The following SACM1L variants were observed in gnomAD, a reference collection of about 807,000 sequenced individuals.
SACM1L encodes the protein SAC1 like phosphatidylinositide phosphatase.
SACM1L carries 32 observed loss-of-function variants against 89.5 expected under a neutral mutation model. That is an observed-to-expected ratio of 0.36 (90% CI 0.27 to 0.48). SACM1L has a LOEUF of 0.48. Among genes scored for constraint, SACM1L ranks in the 20% least tolerant of loss-of-function variants. The pLI is 0.99. For synonymous variants in SACM1L, 213 were observed against 232.8 expected (o/e 0.92, Z 0.77); for missense variants, 543 against 708.5 (o/e 0.77, Z 2.65).
chr3:45,744,440 T>A lies in SACM1L; in HGVS notation c.*771T>A, dbSNP rs1292437041. ...CTCTGTTTTAAAGATTATCCCAATG[T>A]GGAAGATGCCCATGACTGGTCAGCT... On this transcript the variant is annotated 3_prime_UTR_variant, in exon 20 of 20. Coordinates refer to ENST00000389061, the MANE Select transcript of SACM1L (RefSeq NM_014016.5). 6.5e-6 allele frequency: 1 copy of A among 152,680 alleles called. No homozygotes were observed. Among genetic ancestry groups the A allele is most frequent in the Non-Finnish European group, 1.5e-5 (1 of 68,050 alleles). 9.5% of individuals were successfully genotyped at this position (152,680 alleles called of 1,614,324 possible). A position where few individuals can be genotyped will look rare whatever the true frequency, so the allele number is the denominator to read the frequency against.
chr3:45,735,100 C>T, intron 13 of SACM1L, 135 bp from the exon 14 acceptor site: 1 of 841,752 alleles, frequency 1.2e-6, no homozygotes, highest in Non-Finnish European at 1.8e-6. Flanking sequence ...ATATGCCTGA[C>T]CACACATTCC....
rs370440133 is a variant in SACM1L at position 45,735,159 on chromosome 3, C to T, written c.1101-76C>T. On this transcript the variant is annotated intron_variant, in intron 13 of 19. Coordinates refer to ENST00000389061, the MANE Select transcript of SACM1L (RefSeq NM_014016.5). The stretch of plus-strand genomic sequence containing the variant: ...TTTTAATAATGTCACTGAAATGAGA[C>T]CCATGTTATAAGAGTTAAGTCCTTA... 1.5e-5 allele frequency: 19 copies of T among 1,307,752 alleles called. 1 individual carries two copies. The African/African-American group carries it at 1.6e-4, about 11-fold the overall frequency. 81.0% of individuals were successfully genotyped at this position (1,307,752 alleles called of 1,614,324 possible).
At position 45,706,862 on chromosome 3, in the gene SACM1L, T is replaced by A. The variant is rs755202148; in HGVS notation, c.288T>A (p.Asp96Glu). Reference protein sequence around the residue: ...SHVVWKATDFDVLSYKKTMLH... With the variant: ...SHVVWKATDFEVLSYKKTMLH... The stretch of plus-strand genomic sequence containing the variant: ...TAGTCTGGAAAGCAACAGATTTTGA[T>A]GTCCTTTCTTATAAGAAGACAATGT... The change falls in exon 4 of 20, where the codon GAT becomes GAA. Residue 96 changes from aspartate (D) to glutamate (E), a missense_variant. Asp to Glu is a conservative substitution (Grantham distance 45, BLOSUM62 2). Coordinates refer to ENST00000389061, the MANE Select transcript of SACM1L (RefSeq NM_014016.5). The A allele has an allele frequency of 6.2e-7, 1 of 1,613,366 alleles. No individual in the cohort carries two copies. The highest frequency in any genetic ancestry group is 8.5e-7 in the Non-Finnish European group (1 of 1,179,536).
intron 1 of SACM1L, among the ~76,000 whole-genome samples, chr3:45,696,066 C>T (rs1248150716): frequency 6.1e-5 from 9 of 148,262 alleles, no homozygotes; most frequent in African/African-American, 1.2e-4. Flanking sequence ...GGTGCGATCT[C>T]GGCCCACTGC....
chr3:45,722,796 C>A (rs1018432555), intron 9 of SACM1L, 73 bp from the exon 10 acceptor site: 2 of 1,090,374 alleles, frequency 1.8e-6, no homozygotes, highest in Non-Finnish European at 2.8e-6. Flanking sequence ...AATATATACA[C>A]CCCTGACAAT....
intron 2 of SACM1L, among the ~76,000 whole-genome samples, chr3:45,704,630 G>A (rs940685226): frequency 6.6e-6 from 1 of 152,098 alleles, no homozygotes; most frequent in East Asian, 1.9e-4. Context: ...TAATGTGGGT[G>A]TATTTTCAGT....
chr3:45,705,193 A>C lies in SACM1L; in HGVS notation c.189A>C (p.Thr63=), dbSNP rs143985480. 1.2e-4 allele frequency: 201 copies of C among 1,608,480 alleles called. No homozygotes were observed. In the African/African-American group the frequency reaches 2.1e-3, roughly 17 times the overall value. Residue 63 remains threonine, a synonymous_variant, in exon 3 of 20, where the codon ACA becomes ACC. Transcript: ENST00000389061. ...GACCAATATTTGGTATACTGGGCACAATCCATCTGGTGGCAGGTAAGAGAA... is the reference window on the plus strand; with the variant it reads ...GACCAATATTTGGTATACTGGGCACCATCCATCTGGTGGCAGGTAAGAGAA... The part of the protein sequence containing the change: ...VTRPIFGILG[T]IHLVAGNYLI...
At chr3:45,735,211 A>T (rs771973158) in intron 13 of SACM1L, 24 bp from the exon 14 acceptor site, 40 of 1,590,518 alleles carry the variant, frequency 2.5e-5, no homozygotes, top group Non-Finnish European at 3.4e-5. Context: ...TTGGTATGAG[A>T]GTGTTTATAC....
chr3:45,703,856 T>TG (rs1199468902), intron 2 of SACM1L, among the ~76,000 whole-genome samples: 1 of 152,200 alleles, frequency 6.6e-6, no homozygotes, highest in Admixed American at 6.5e-5. Flanking sequence ...TCTTTCTAGC[T>TG]GTAAGATTTA....
intron 3 of SACM1L, among the ~76,000 whole-genome samples, chr3:45,705,961 T>C (rs1167720252): frequency 1.3e-5 from 2 of 152,230 alleles, no homozygotes; most frequent in African/African-American, 4.8e-5. Flanking sequence ...TTGTTTGAAG[T>C]TCCTATTTTT....
intron 4 of SACM1L, among the ~76,000 whole-genome samples, chr3:45,708,065 ATAAC>A: frequency 6.6e-6 from 1 of 152,268 alleles, no homozygotes; most frequent in East Asian, 1.9e-4. Flanking sequence ...ACTAATATCT[ATAAC>A]TTACAATAGA....
At chr3:45,700,374 A>G (rs918715278) in intron 1 of SACM1L, among the ~76,000 whole-genome samples, 17 of 152,220 alleles carry the variant, frequency 1.1e-4, no homozygotes, top group Admixed American at 6.5e-4. Context: ...AATAAAGCCC[A>G]TGGACTTCAC....
intron 2 of SACM1L, among the ~76,000 whole-genome samples, chr3:45,704,118 CCTGA>C (rs1698333625): frequency 6.6e-6 from 1 of 151,886 alleles, no homozygotes; most frequent in African/African-American, 2.4e-5. Flanking sequence ...TGTGGAACAC[CCTGA>C]CTTTCCAAAT....
At chr3:45,692,274 A>T (rs1238872458) in intron 1 of SACM1L, among the ~76,000 whole-genome samples, 1 of 151,934 alleles carries the variant, frequency 6.6e-6, no homozygotes, top group East Asian at 1.9e-4. Context: ...GTAAAATGGG[A>T]ATGTTGATAC....
At chr3:45,716,177 C>T (rs1251745355) in intron 7 of SACM1L, among the ~76,000 whole-genome samples, 1 of 152,082 alleles carries the variant, frequency 6.6e-6, no homozygotes, top group Non-Finnish European at 1.5e-5. Context: ...GTGGCTTTTA[C>T]TTTAAATGTG....
At chr3:45,694,650 A>G (rs927563192) in intron 1 of SACM1L, among the ~76,000 whole-genome samples, 4 of 152,130 alleles carry the variant, frequency 2.6e-5, no homozygotes, top group Admixed American at 2.6e-4. Flanking sequence ...AGGGCCCCAC[A>G]TTAGGCCTAC....
In SACM1L at chr3:45,721,945, G is replaced by A. The variant is rs1451163650; in HGVS notation, c.680-55G>A. The A allele has an allele frequency of 8.4e-6, 10 of 1,190,296 alleles. No homozygotes were observed. In the South Asian group the frequency reaches 1.3e-4, roughly 15 times the overall value. 73.7% of individuals were successfully genotyped at this position (1,190,296 alleles called of 1,614,324 possible). On this transcript the variant is annotated intron_variant, in intron 8 of 19. Coordinates refer to ENST00000389061, the MANE Select transcript of SACM1L (RefSeq NM_014016.5). ...AGTTAACCTGAATTAGTGGGTTTCTGATGTGTTTCTTTGTGTAATCAGTAT... is the reference window on the plus strand; with the variant it reads ...AGTTAACCTGAATTAGTGGGTTTCTAATGTGTTTCTTTGTGTAATCAGTAT...
At chr3:45,733,070 T>C (rs1296983437) in intron 13 of SACM1L, among the ~76,000 whole-genome samples, 1 of 152,228 alleles carries the variant, frequency 6.6e-6, no homozygotes, top group East Asian at 1.9e-4. Flanking sequence ...AGAGAAAACA[T>C]TGGCTGGCCC....
chr3:45,693,235 A>G (rs1353069371), intron 1 of SACM1L, among the ~76,000 whole-genome samples: 1 of 152,188 alleles, frequency 6.6e-6, no homozygotes, highest in African/African-American at 2.4e-5. Flanking sequence ...CGTTGACCAA[A>G]GCATTGTTAC....
Sources: gnomAD v4.1 joint callset for allele counts (sites outside exome capture counted in the v4.1 genomes callset) on GRCh38, gnomAD v4.1.1 for gene constraint, MANE v1.5 for transcripts, NCBI Gene and HGNC (gene_info 2026-07-23, HGNC 2026-07-21) for gene names.